Variants in CAMK4 observed in about 807,000 individuals in gnomAD.
The protein encoded by CAMK4 is calcium/calmodulin dependent protein kinase IV, also known as calcium/calmodulin-dependent protein kinase type IV.
Under a neutral mutation model 44.9 loss-of-function variants are expected in CAMK4, and 22 were observed. The observed-to-expected ratio is 0.49, with a 90% confidence interval of 0.35 to 0.70. The LOEUF (loss-of-function observed/expected upper bound fraction) is 0.70, where lower values mean the gene tolerates loss of function less well. CAMK4 is among the 30% of genes least tolerant of loss of function. CAMK4 has a pLI of 0.01. For missense variants in CAMK4, 498 were observed against 586.8 expected, an observed-to-expected ratio of 0.85 and a Z score of 1.56; for synonymous variants, 218 against 215.4, an observed-to-expected ratio of 1.01 and a Z score of -0.11.
chr5:111,383,944 C>A (rs167377), intron 4 of CAMK4, among the ~76,000 whole-genome samples: 138,794 of 152,228 alleles, frequency 0.91, 63,383 homozygotes, highest in East Asian at 1. Flanking sequence ...AAGGAATTTC[C>A]AGAAGGGGAA....
intron 1 of CAMK4, among the ~76,000 whole-genome samples, chr5:111,318,651 T>C (rs1411628641): frequency 6.6e-6 from 1 of 152,172 alleles, no homozygotes; most frequent in Non-Finnish European, 1.5e-5. Flanking sequence ...GGAATGTCTC[T>C]TAAATTGTAA....
chr5:111,419,072 G>C (rs1169335772), intron 5 of CAMK4, among the ~76,000 whole-genome samples: 2 of 152,090 alleles, frequency 1.3e-5, no homozygotes, highest in African/African-American at 4.8e-5. Context: ...GTGTAAAAAT[G>C]TTCCTATTTC....
intron 1 of CAMK4, among the ~76,000 whole-genome samples, chr5:111,321,185 T>C (rs1030346994): frequency 3.3e-5 from 5 of 152,106 alleles, no homozygotes; most frequent in Admixed American, 2.0e-4. Flanking sequence ...CAACAGGAGC[T>C]GGGAGGTGGT....
At chr5:111,279,802 A>C (rs10040398) in intron 1 of CAMK4, among the ~76,000 whole-genome samples, 1,989 of 152,242 alleles carry the variant, frequency 0.013, 23 homozygotes, top group Non-Finnish European at 0.021. Flanking sequence ...GGAATTGAAT[A>C]ATATTTATCC....
intron 7 of CAMK4, among the ~76,000 whole-genome samples, chr5:111,454,431 G>A (rs953882180): frequency 3.3e-5 from 5 of 151,914 alleles, no homozygotes; most frequent in Non-Finnish European, 4.4e-5. Context: ...TAAGTGAATC[G>A]CAAAAGAAAA....
At chr5:111,332,668 C>T (rs557988665) in intron 1 of CAMK4, among the ~76,000 whole-genome samples, 1 of 151,660 alleles carries the variant, frequency 6.6e-6, no homozygotes, top group Non-Finnish European at 1.5e-5. Flanking sequence ...TTTGAGAATG[C>T]AAGCATAAAG....
chr5:111,256,281 G>T (rs1180104128), intron 1 of CAMK4, among the ~76,000 whole-genome samples: 1 of 152,180 alleles, frequency 6.6e-6, no homozygotes. Flanking sequence ...GTATGGTGGT[G>T]CTATGGTGGG....
intron 1 of CAMK4, among the ~76,000 whole-genome samples, chr5:111,244,967 G>A (rs761715221): frequency 2.0e-5 from 3 of 152,058 alleles, no homozygotes; most frequent in African/African-American, 7.2e-5. Flanking sequence ...AAAAGTGAAC[G>A]TTTGAGCAGA....
chr5:111,476,409 C>T (rs968888861), intron 8 of CAMK4, among the ~76,000 whole-genome samples: 1 of 151,954 alleles, frequency 6.6e-6, no homozygotes, highest in Non-Finnish European at 1.5e-5. Flanking sequence ...CCCCGAGTAC[C>T]TGGGATTACA....
chr5:111,235,322 C>A (rs1748665647), intron 1 of CAMK4, among the ~76,000 whole-genome samples: 1 of 152,052 alleles, frequency 6.6e-6, no homozygotes, highest in South Asian at 2.1e-4. Context: ...TCAGGGCAAC[C>A]ACTGAGAAAA....
intron 1 of CAMK4, among the ~76,000 whole-genome samples, chr5:111,254,910 A>G (rs1245562441): frequency 6.6e-6 from 1 of 152,146 alleles, no homozygotes; most frequent in Non-Finnish European, 1.5e-5. Flanking sequence ...TAGTCTGTGC[A>G]AATACTGTGA....
At chr5:111,409,505 G>A (rs1752557288) in intron 5 of CAMK4, among the ~76,000 whole-genome samples, 1 of 152,194 alleles carries the variant, frequency 6.6e-6, no homozygotes, top group Admixed American at 6.5e-5. Context: ...GTGATGGGAG[G>A]GGCTGCTGTG....
intron 1 of CAMK4, among the ~76,000 whole-genome samples, chr5:111,328,432 A>G (rs915873867): frequency 6.6e-6 from 1 of 152,028 alleles, no homozygotes; most frequent in Non-Finnish European, 1.5e-5. Context: ...TGTAGTTTGA[A>G]GTCAGGTAGC....
chr5:111,384,408 T>C (rs1751525110), intron 4 of CAMK4, among the ~76,000 whole-genome samples: 1 of 152,202 alleles, frequency 6.6e-6, no homozygotes, highest in Non-Finnish European at 1.5e-5. Flanking sequence ...AAGTTCCCTT[T>C]AAACTTCTTC....
intron 1 of CAMK4, among the ~76,000 whole-genome samples, chr5:111,330,140 T>C (rs763714255): frequency 6.9e-5 from 10 of 144,958 alleles, no homozygotes; most frequent in Non-Finnish European, 1.4e-4. Flanking sequence ...GACTAGTAAG[T>C]TAATTTGGCA....
At chr5:111,384,358 T>C (rs1238263612) in intron 4 of CAMK4, among the ~76,000 whole-genome samples, 2 of 152,192 alleles carry the variant, frequency 1.3e-5, no homozygotes, top group South Asian at 2.1e-4. Context: ...GTCTCCCTCT[T>C]GATCTCTTTC....
chr5:111,310,366 A>C (rs534873228), intron 1 of CAMK4, among the ~76,000 whole-genome samples: 1 of 152,348 alleles, frequency 6.6e-6, no homozygotes, highest in East Asian at 1.9e-4. Context: ...ATTGTGCTAC[A>C]TCGTGAGTAA....
intron 2 of CAMK4, among the ~76,000 whole-genome samples, chr5:111,346,955 A>G (rs1284680822): frequency 6.6e-6 from 1 of 152,026 alleles, no homozygotes; most frequent in Admixed American, 6.6e-5. Flanking sequence ...CCGATGGCTT[A>G]TGAGCACGGG....
At chr5:111,260,534 G>A (rs893063679) in intron 1 of CAMK4, among the ~76,000 whole-genome samples, 1 of 152,064 alleles carries the variant, frequency 6.6e-6, no homozygotes, top group Non-Finnish European at 1.5e-5. Context: ...ATAACCCAGT[G>A]TTCTTGTCTT....
Sources: allele counts gnomAD v4.1 joint callset (sites outside exome capture counted in the v4.1 genomes callset), GRCh38; gene constraint gnomAD v4.1.1; transcripts MANE v1.5; gene names NCBI Gene and HGNC (gene_info 2026-07-23, HGNC 2026-07-21).